Variants in ERCC2 observed in about 807,000 individuals in gnomAD.
ERCC2 encodes ERCC excision repair 2, TFIIH core complex helicase subunit.
ERCC2 carries 90 observed loss-of-function variants against 99.4 expected under a neutral mutation model. The ratio of observed to expected loss-of-function variants is 0.91; its 90% CI spans 0.76 to 1.08. The LOEUF (loss-of-function observed/expected upper bound fraction) is 1.08. ERCC2 is among the 50% of genes least tolerant of loss of function. ERCC2 has a pLI of 0.00. For missense variants in ERCC2, 993 were observed against 1,038.1 expected, an observed-to-expected ratio of 0.96 and a Z score of 0.60; for synonymous variants, 497 against 432.4, an observed-to-expected ratio of 1.15 and a Z score of -1.85.
chr19:45,362,313 G>T (rs908902790), intron 11 of ERCC2, among the ~76,000 whole-genome samples: 2 of 152,144 alleles, frequency 1.3e-5, no homozygotes, highest in Admixed American at 1.3e-4. Flanking sequence ...ACATGGTCAC[G>T]CATTCACACC....
At chr19:45,364,790 C>T (rs1413614533) in intron 7 of ERCC2, 48 bp downstream of exon 7, 6 of 1,455,506 alleles carry the variant, frequency 4.1e-6, no homozygotes, top group Non-Finnish European at 4.8e-6. Flanking sequence ...GGGCGGGCAG[C>T]CCACACCCTC....
intron 22 of ERCC2, 53 bp downstream of exon 22, chr19:45,352,156 C>G: frequency 1.2e-6 from 2 of 1,601,450 alleles, no homozygotes; most frequent in Admixed American, 3.4e-5. Context: ...AGGGGACTTT[C>G]TGGAGGAGAA....
rs764534046 is a variant in ERCC2, at chr19:45,357,457, CG to C, written c.1377+16del. On this transcript the variant is annotated intron_variant, in intron 14 of 22. Transcript: ENST00000391945. The stretch of plus-strand genomic sequence containing the variant: ...AGGGAGGTCAGGGACTAGGAGGGGA[CG>C]GGGAAGGGTCCTTACCCCAGATGTG... The C allele has an allele frequency of 2.5e-5, 40 of 1,613,048 alleles. No individual in the cohort carries two copies. The East Asian group carries it at 8.7e-4, about 35-fold the overall frequency.
rs1333370016 is a variant in ERCC2 at position 45,350,043 on chromosome 19, A to C, written c.*1586T>G. ...AGGAGGCTGCCTGTCCTCCATCCCC[A>C]GGGCAGGAAGTAAGGCCGAGCTCCA... is the stretch of plus-strand genomic sequence containing the variant. On this transcript the variant is annotated 3_prime_UTR_variant, in exon 23 of 23. Coordinates refer to ENST00000391945, the MANE Select transcript of ERCC2 (RefSeq NM_000400.4). 4 of 460,922 alleles carry C rather than the reference A, an allele frequency of 8.7e-6. No homozygotes were observed. In the Admixed American group the frequency reaches 1.6e-4, roughly 18 times the overall value. 28.6% of individuals were successfully genotyped at this position (460,922 alleles called of 1,614,324 possible).
chr19:45,352,859 G>C, intron 19 of ERCC2, 43 bp from the exon 20 acceptor site: 2 of 1,586,716 alleles, frequency 1.3e-6, no homozygotes, highest in Non-Finnish European at 1.7e-6. Flanking sequence ...TACAAGTGTG[G>C]CTGGTGGGAC....
At chr19:45,357,575 G>A (rs1388055615) in intron 13 of ERCC2, 32 bp from the exon 14 acceptor site, 1 of 1,613,516 alleles carries the variant, frequency 6.2e-7, no homozygotes, top group Admixed American at 1.7e-5. Context: ...GAGGGCCCGG[G>A]GGGCTGGGCC....
rs763885481 is a variant in ERCC2 at position 45,352,594 on chromosome 19, G to A, written c.1958C>T (p.Thr653Ile). 9.3e-6 allele frequency: 15 copies of A among 1,613,920 alleles called. No homozygotes were observed. In the Admixed American group the frequency reaches 1.0e-4, roughly 11 times the overall value. The change falls in exon 21 of 23, where the codon ACC becomes ATC. Residue 653 changes from threonine to isoleucine, a missense_variant. This residue lies in a region of ERCC2 where 909 missense variants were observed against 930.8 expected (regional missense o/e 0.98). Coordinates refer to ENST00000391945, the MANE Select transcript of ERCC2 (RefSeq NM_000400.4). ...QFQIRENDFL[T>I]FDAMRHAAQC... ...GGCCGCGTGGCGCATGGCATCGAAG[G>A]TAAGAAAGTCATTCTCACGAATCTG...
At chr19:45,355,793 A>C (rs888034166) in intron 15 of ERCC2, 65 bp from the exon 16 acceptor site, 8 of 1,178,678 alleles carry the variant, frequency 6.8e-6, no homozygotes, top group Middle Eastern at 5.1e-4. Flanking sequence ...AGTGCTGACC[A>C]CCTGCTGGTG....
intron 11 of ERCC2, chr19:45,361,936 TTTC>T (rs1453867252): frequency 2.0e-5 from 6 of 299,122 alleles, no homozygotes; most frequent in Non-Finnish European, 3.4e-5. Context: ...TTTTTTTCTT[TTTC>T]TTTTTTTTCT....
rs1186873308 is a variant in ERCC2, at chr19:45,351,053, C to G, written c.*576G>C. 1 of 1,613,792 alleles carries G rather than the reference C, an allele frequency of 6.2e-7. No individual in the cohort carries two copies. Among genetic ancestry groups the G allele is most frequent in the Non-Finnish European group, 8.5e-7 (1 of 1,179,888 alleles). ...CATCTGGGTCAAAAATAGAGGAGGCCATGTGGGTAGGTGCAGAGATGAGGC... is the reference window on the plus strand; with the variant it reads ...CATCTGGGTCAAAAATAGAGGAGGCGATGTGGGTAGGTGCAGAGATGAGGC... On this transcript the variant is annotated 3_prime_UTR_variant, in exon 23 of 23. Coordinates refer to ENST00000391945, the MANE Select transcript of ERCC2 (RefSeq NM_000400.4).
chr19:45,360,916 A>C (rs1395578326), intron 12 of ERCC2, among the ~76,000 whole-genome samples: 1 of 151,720 alleles, frequency 6.6e-6, no homozygotes, highest in Non-Finnish European at 1.5e-5. Flanking sequence ...GTGGATCATG[A>C]GGTCAGGAGA....
intron 15 of ERCC2, 79 bp downstream of exon 15, chr19:45,357,191 G>A: frequency 9.8e-7 from 1 of 1,023,196 alleles, no homozygotes; most frequent in Non-Finnish European, 1.5e-6. Context: ...TGCCTGAGCA[G>A]TGGGGGAAGC....
intron 5 of ERCC2, among the ~76,000 whole-genome samples, chr19:45,367,398 CACAT>C (rs949272267): frequency 2.0e-4 from 29 of 146,780 alleles, no homozygotes; most frequent in African/African-American, 5.5e-4. Context: ...CACACACACA[CACAT>C]ATAAAAACAT....
intron 16 of ERCC2, 138 bp from the exon 17 acceptor site, chr19:45,354,989 G>A: frequency 1.8e-6 from 2 of 1,126,286 alleles, no homozygotes; most frequent in Non-Finnish European, 2.6e-6. Context: ...CCTCCTCCCG[G>A]GCGTGTCTGA....
Position 45,351,186 on chromosome 19 carries a change from G to GGGTT in ERCC2, c.*439_*442dup. ...GGTTTTACTTGGGGTAGAGGCGAGG[G>GGGTT]GGTTGGATAGTTGGCTGCCAGGCTG... On this transcript the variant is annotated 3_prime_UTR_variant, in exon 23 of 23. Transcript: ENST00000391945. 7 of 1,585,470 alleles carry GGGTT rather than the reference G, an allele frequency of 4.4e-6. No individual in the cohort carries two copies. The highest frequency in any genetic ancestry group is 6.0e-6 in the Non-Finnish European group (7 of 1,165,356).
rs368540634 is a variant in ERCC2, at chr19:45,364,252, C to T, written c.798G>A (p.Leu266=). The change falls in exon 9 of 23, where the codon CTG becomes CTA. Residue 266 remains leucine (L), a synonymous_variant. Coordinates refer to ENST00000391945, the MANE Select transcript of ERCC2 (RefSeq NM_000400.4). ...LDRCQGNLET[L]QKTVLRIKET... ...GGCCCCACCTGAGCACCGTCTTCTG[C>T]AGGGTCTCCAGGTTGCCCTGGCACC... 3 of 1,613,844 alleles carry T rather than the reference C, an allele frequency of 1.9e-6. No homozygotes were observed. The highest frequency in any genetic ancestry group is 1.6e-4 in the Middle Eastern group (1 of 6,062).
intron 5 of ERCC2, among the ~76,000 whole-genome samples, chr19:45,367,360 TATATATATAC>T (rs1568544679): frequency 4.2e-5 from 2 of 47,466 alleles, no homozygotes; most frequent in African/African-American, 1.5e-4. Flanking sequence ...CAAAAATATA[TATATATATAC>T]ACACACACAC....
At chr19:45,369,409 G>A (rs1441664438) in intron 2 of ERCC2, among the ~76,000 whole-genome samples, 26 of 152,016 alleles carry the variant, frequency 1.7e-4, no homozygotes, top group Non-Finnish European at 4.4e-5. Context: ...GCTCACACCT[G>A]TAATCCCAGC....
rs1972359965 is a variant in ERCC2 at position 45,364,629 on chromosome 19, C to T, written c.595-82G>A. On this transcript the variant is annotated intron_variant, in intron 7 of 22. Coordinates refer to ENST00000391945, the MANE Select transcript of ERCC2 (RefSeq NM_000400.4). ...CCCCTGGCCACACTGGCCCGTCACT[C>T]CCACACAGGCCTGCACAGGCAGACA... 7.6e-6 allele frequency: 12 copies of T among 1,578,606 alleles called. No homozygotes were observed. In the South Asian group the frequency reaches 1.2e-4, roughly 16 times the overall value.
Sources: gnomAD v4.1 joint callset for allele counts (sites outside exome capture counted in the v4.1 genomes callset) on GRCh38, gnomAD v4.1.1 for gene constraint, gnomAD v4.1.1 regional missense constraint, MANE v1.5 for transcripts, NCBI Gene and HGNC (gene_info 2026-07-23, HGNC 2026-07-21) for gene names.